NRXN1: variants seen among roughly 807,000 people sequenced by gnomAD.
The protein encoded by NRXN1 is neurexin-1.
In NRXN1, 39 loss-of-function variants were observed where a neutral mutation model predicts 150.9. That is an observed-to-expected ratio of 0.26 (90% CI 0.20 to 0.34). The LOEUF is 0.34. NRXN1 is among the 10% of genes least tolerant of loss of function. NRXN1 has a pLI of 1.00. For synonymous variants in NRXN1, 924 were observed against 757.0 expected (o/e 1.22, Z -3.62); for missense variants, 1,815 against 1,949.9 (o/e 0.93, Z 1.30).
chr2:50,519,306 G>T (rs1022135896), intron 12 of NRXN1, among the ~76,000 whole-genome samples: 3 of 151,806 alleles, frequency 2.0e-5, no homozygotes, highest in Non-Finnish European at 4.4e-5. Context: ...ATCATCACTG[G>T]ATTATTTATT....
chr2:49,933,408 T>C (rs1444342243), intron 22 of NRXN1, among the ~76,000 whole-genome samples: 3 of 152,102 alleles, frequency 2.0e-5, no homozygotes, highest in East Asian at 1.9e-4. Flanking sequence ...TTCTAAGCAG[T>C]TGCCCAGTTC....
At chr2:50,866,908 A>G (rs904600020) in intron 5 of NRXN1, among the ~76,000 whole-genome samples, 14 of 151,936 alleles carry the variant, frequency 9.2e-5, no homozygotes, top group Non-Finnish European at 1.2e-4. Flanking sequence ...CTCTCTTAGC[A>G]CAATCACTAC....
chr2:50,771,267 C>T (rs893087810), intron 5 of NRXN1, among the ~76,000 whole-genome samples: 5 of 152,008 alleles, frequency 3.3e-5, no homozygotes, highest in African/African-American at 1.2e-4. Flanking sequence ...CTATATATTA[C>T]CGTCAGGATT....
intron 2 of NRXN1, among the ~76,000 whole-genome samples, chr2:50,980,015 C>A (rs1429380240): frequency 1.3e-5 from 2 of 152,002 alleles, no homozygotes; most frequent in Admixed American, 6.6e-5. Flanking sequence ...AGGTAGCCAA[C>A]AATATAAATA....
intron 5 of NRXN1, among the ~76,000 whole-genome samples, chr2:50,757,695 G>C (rs781622188): frequency 6.6e-6 from 1 of 151,712 alleles, no homozygotes; most frequent in African/African-American, 2.4e-5. Flanking sequence ...TCACTAGAAT[G>C]GTGTACAAGC....
At chr2:50,260,667 A>C (rs1413763498) in intron 17 of NRXN1, among the ~76,000 whole-genome samples, 7 of 135,488 alleles carry the variant, frequency 5.2e-5, no homozygotes, top group Non-Finnish European at 9.2e-5. Flanking sequence ...GCCGTCTTAC[A>C]GAGTTGAAAT....
intron 5 of NRXN1, among the ~76,000 whole-genome samples, chr2:50,826,554 T>G (rs1192930185): frequency 6.6e-6 from 1 of 152,112 alleles, no homozygotes; most frequent in African/African-American, 2.4e-5. Flanking sequence ...CGGGATACAT[T>G]TTGGAAGTGA....
chr2:50,053,789 CTTA>C (rs1333564144), intron 20 of NRXN1, among the ~76,000 whole-genome samples, 199 bp from the exon 21 acceptor site: 1 of 152,126 alleles, frequency 6.6e-6, no homozygotes, highest in African/African-American at 2.4e-5. Flanking sequence ...AAATTCTCAA[CTTA>C]TTATAAATGT....
rs1704604969 is a variant in NRXN1, at chr2:50,126,473, TCATC to T, written c.3547-34983_3547-34980del. Among the ~76,000 whole-genome samples the T allele has an allele frequency of 2.7e-5, 4 of 150,802 alleles. No individual in the cohort carries two copies. The Admixed American group carries it at 2.7e-4, about 10-fold the overall frequency. On this transcript the variant is annotated intron_variant, in intron 18 of 22. Coordinates refer to ENST00000401669, the MANE Select transcript of NRXN1 (RefSeq NM_001330078.2). ...GGTACTGCTAATATAACTGATATAG[TCATC>T]ATATTTCCTATGGATTTACAAAAAA...
intron 2 of NRXN1, among the ~76,000 whole-genome samples, chr2:50,931,188 G>C (rs1558441678): frequency 6.6e-6 from 1 of 152,044 alleles, no homozygotes; most frequent in Non-Finnish European, 1.5e-5. Flanking sequence ...TCATTTGAAA[G>C]AGCTGTCAAA....
chr2:50,301,435 C>T (rs1025093625), intron 17 of NRXN1, among the ~76,000 whole-genome samples: 1 of 152,156 alleles, frequency 6.6e-6, no homozygotes, highest in Non-Finnish European at 1.5e-5. Context: ...TTTAGCACAA[C>T]ATCATACATT....
intron 5 of NRXN1, among the ~76,000 whole-genome samples, chr2:50,850,410 T>C (rs1377934316): frequency 2.6e-5 from 4 of 152,182 alleles, no homozygotes; most frequent in East Asian, 1.9e-4. Context: ...ACTCAGAAAA[T>C]AGATTACAGA....
At chr2:50,962,992 A>C (rs1693454830) in intron 2 of NRXN1, among the ~76,000 whole-genome samples, 1 of 151,688 alleles carries the variant, frequency 6.6e-6, no homozygotes, top group Non-Finnish European at 1.5e-5. Context: ...GTCTCTCTGA[A>C]GTAGGTTATA....
chr2:50,209,844 G>A (rs1045871814), intron 18 of NRXN1, among the ~76,000 whole-genome samples: 3 of 137,132 alleles, frequency 2.2e-5, no homozygotes, highest in Admixed American at 1.6e-4. Flanking sequence ...AATCTCAGTT[G>A]TACTTAAAGC....
intron 5 of NRXN1, among the ~76,000 whole-genome samples, chr2:50,773,819 C>T (rs1201003315): frequency 6.6e-6 from 1 of 152,032 alleles, no homozygotes; most frequent in Admixed American, 6.6e-5. Context: ...TCTCCATGGC[C>T]CTGAGCTGGG....
intron 19 of NRXN1, among the ~76,000 whole-genome samples, chr2:50,075,229 C>G (rs978688278): frequency 6.6e-6 from 1 of 152,120 alleles, no homozygotes; most frequent in African/African-American, 2.4e-5. Flanking sequence ...TCTATTTATT[C>G]TATTAGTCTA....
rs75105394 is a variant in NRXN1, at chr2:50,966,754, G to C, written c.773-40799C>G. ...GCCAGTGGGGAGAAATGAATGGGTA[G>C]TAATGGAAATTAATGGATAAGGGAA... On this transcript the variant is annotated intron_variant, in intron 2 of 22. Transcript: ENST00000401669. Among the ~76,000 whole-genome samples the C allele has an allele frequency of 4.3e-3, 656 of 151,976 alleles. 21 individuals carry two copies. The East Asian group carries it at 0.094, about 22-fold the overall frequency.
chr2:50,332,104 G>A (rs2076874157), intron 17 of NRXN1, among the ~76,000 whole-genome samples: 1 of 151,940 alleles, frequency 6.6e-6, no homozygotes, highest in South Asian at 2.1e-4. Context: ...AAAAGCTATC[G>A]AGGTACTAAG....
chr2:50,030,392 C>G (rs1320553387), intron 21 of NRXN1, among the ~76,000 whole-genome samples: 1 of 152,086 alleles, frequency 6.6e-6, no homozygotes, highest in Non-Finnish European at 1.5e-5. Flanking sequence ...CCCCATCTCC[C>G]AGTCTCTGTG....
Sources: gnomAD v4.1 joint callset for allele counts (sites outside exome capture counted in the v4.1 genomes callset) on GRCh38, gnomAD v4.1.1 for gene constraint, MANE v1.5 for transcripts, NCBI Gene and HGNC (gene_info 2026-07-23, HGNC 2026-07-21) for gene names.